Variants in WNT3 observed in about 807,000 individuals in gnomAD.
WNT3 encodes the protein Wnt family member 3, also known as proto-oncogene Wnt-3.
WNT3 carries 7 observed loss-of-function variants against 34.2 expected under a neutral mutation model. That is an observed-to-expected ratio of 0.20 (90% CI 0.12 to 0.38). The LOEUF (loss-of-function observed/expected upper bound fraction) is 0.38, where lower values mean the gene tolerates loss of function less well. WNT3 is among the 10% of genes least tolerant of loss of function. The pLI is 1.00. For missense variants in WNT3, 267 were observed against 499.8 expected, an observed-to-expected ratio of 0.53 and a Z score of 4.44; for synonymous variants, 212 against 211.5, an observed-to-expected ratio of 1.00 and a Z score of -0.02.
chr17:46,793,445 T>A (rs1382893035), intron 1 of WNT3, among the ~76,000 whole-genome samples: 1 of 152,122 alleles, frequency 6.6e-6, no homozygotes, highest in African/African-American at 2.4e-5. Context: ...AATGCTGGGC[T>A]CCCGCCTATC....
intron 1 of WNT3, among the ~76,000 whole-genome samples, chr17:46,787,190 C>T (rs1202204226): frequency 3.3e-5 from 5 of 152,060 alleles, no homozygotes; most frequent in Admixed American, 2.0e-4. Context: ...ATCCTCCCAC[C>T]TCAGCCTCCC....
At chr17:46,767,388 C>T (rs2059322958) in intron 4 of WNT3, among the ~76,000 whole-genome samples, 1 of 152,306 alleles carries the variant, frequency 6.6e-6, no homozygotes, top group East Asian at 1.9e-4. Flanking sequence ...TATGCCGCTT[C>T]CCCCCACCCA....
chr17:46,768,704 A>G lies in WNT3; in HGVS notation c.684T>C (p.Arg228=). Residue 228 remains arginine, a synonymous_variant, in exon 4 of 5, where the codon CGT becomes CGC. Coordinates refer to ENST00000225512, the MANE Select transcript of WNT3 (RefSeq NM_030753.5). This position sits in a 1 kb window ranked among gnomAD's most constrained non-coding sequence, Gnocchi z 5.0. ...TGTCCTTGAGGAAGTCACCGATGGC[A>G]CGGAAGTCAGGCTGCGCCCACCAGC... ...KTCWWAQPDF[R]AIGDFLKDKY... is the part of the protein sequence containing the mutation. 1.2e-6 allele frequency: 2 copies of G among 1,614,100 alleles called. No homozygotes were observed.
At chr17:46,795,777 A>G (rs1306550791) in intron 1 of WNT3, among the ~76,000 whole-genome samples, 2 of 152,266 alleles carry the variant, frequency 1.3e-5, no homozygotes, top group South Asian at 4.1e-4. Context: ...TTGGTCTGTC[A>G]TGAAGGTGCT....
chr17:46,777,301 C>A (rs1170141897), intron 1 of WNT3, among the ~76,000 whole-genome samples: 1 of 152,268 alleles, frequency 6.6e-6, no homozygotes, highest in Non-Finnish European at 1.5e-5. Flanking sequence ...AAAGCCAGGC[C>A]GGCTGGCTTG....
chr17:46,767,423 T>C (rs1358248877), intron 4 of WNT3, among the ~76,000 whole-genome samples: 2 of 152,188 alleles, frequency 1.3e-5, no homozygotes, highest in South Asian at 2.1e-4. Context: ...GTACGATTTA[T>C]GCTTGTGCAG....
In WNT3 at chr17:46,808,903, C is replaced by T. The variant is rs191781605; in HGVS notation, c.80+9615G>A. On this transcript the variant is annotated intron_variant, in intron 1 of 4. Transcript: ENST00000225512. The stretch of plus-strand genomic sequence containing the variant: ...CTGCTCAGGTCGAGGGGCCCATCCA[C>T]CTTGAGAGACCCTCTAAGGACCCTC... Among the ~76,000 whole-genome samples, 3 of 152,246 alleles carry T rather than the reference C, an allele frequency of 2.0e-5. No homozygotes were observed. In the East Asian group the frequency reaches 5.8e-4, roughly 29 times the overall value.
Position 46,768,309 on chromosome 17 carries a change from T to TAC in WNT3, c.*8+1_*8+2dup. On this transcript the variant is annotated splice_region_variant and intron_variant, in intron 4 of 4. Transcript: ENST00000225512. This position sits in a 1 kb window ranked among gnomAD's most constrained non-coding sequence, Gnocchi z 5.0. ...GCCTCCCCCCTGCTTCCCGGAGCCC[T>TAC]ACCTGGTGCCCTACTTGCAGGTGTG... 1 of 1,613,374 alleles carries TAC rather than the reference T, an allele frequency of 6.2e-7. No individual in the cohort carries two copies. Among genetic ancestry groups the TAC allele is most frequent in the South Asian group, 1.1e-5 (1 of 91,080 alleles).
intron 1 of WNT3, among the ~76,000 whole-genome samples, chr17:46,780,524 C>A (rs1208287356): frequency 6.6e-6 from 1 of 152,240 alleles, no homozygotes; most frequent in African/African-American, 2.4e-5. Flanking sequence ...TGCGGTGGCT[C>A]ACGCTTGTAA....
chr17:46,807,660 C>T (rs1472438034), intron 1 of WNT3, among the ~76,000 whole-genome samples: 2 of 152,190 alleles, frequency 1.3e-5, no homozygotes, highest in Non-Finnish European at 2.9e-5. Context: ...AATGTGTATC[C>T]CAAAGACAAG....
At position 46,773,837 on chromosome 17, in the gene WNT3, C is replaced by T. The variant is rs1189603062; in HGVS notation, c.153G>A (p.Leu51=). 1 of 1,613,170 alleles carries T rather than the reference C, an allele frequency of 6.2e-7. No individual in the cohort carries two copies. Among genetic ancestry groups the T allele is most frequent in the Non-Finnish European group, 8.5e-7 (1 of 1,180,020 alleles). ...GGCAGAAGCGCAGTTGCTTGGGGAC[C>T]AGGCCTGGGATGGAGCCGCAGAGCA... is the stretch of plus-strand genomic sequence containing the variant. The part of the protein sequence containing the change: ...QPLLCGSIPG[L]VPKQLRFCRN... Residue 51 remains leucine (L), a synonymous_variant, in exon 2 of 5, where the codon CTG becomes CTA. Coordinates refer to ENST00000225512, the MANE Select transcript of WNT3 (RefSeq NM_030753.5).
At chr17:46,793,571 G>A (rs1007296641) in intron 1 of WNT3, among the ~76,000 whole-genome samples, 6 of 152,170 alleles carry the variant, frequency 3.9e-5, no homozygotes, top group African/African-American at 7.2e-5. Context: ...GGAGACCCCC[G>A]ACCTGAGGGC....
chr17:46,777,311 G>A lies in WNT3; in HGVS notation c.81-3402C>T, dbSNP rs183294677. On this transcript the variant is annotated intron_variant, in intron 1 of 4. Transcript: ENST00000225512. ...CAGAGAAAGCCAGGCCGGCTGGCTT[G>A]GGGGACTGAGGAGTCGGGGGGCCCA... 9.4e-4 allele frequency among the ~76,000 whole-genome samples: 143 copies of A among 152,384 alleles called. 2 individuals carry two copies. In the Middle Eastern group the frequency reaches 0.024, roughly 25 times the overall value.
chr17:46,790,489 CACAG>C (rs2083970657), intron 1 of WNT3, among the ~76,000 whole-genome samples: 1 of 152,114 alleles, frequency 6.6e-6, no homozygotes, highest in Non-Finnish European at 1.5e-5. Flanking sequence ...TGCCCTAGGT[CACAG>C]ACAGGGCTGG....
chr17:46,769,485 C>G (rs1568073558), intron 3 of WNT3, among the ~76,000 whole-genome samples: 1 of 152,164 alleles, frequency 6.6e-6, no homozygotes, highest in Non-Finnish European at 1.5e-5. Flanking sequence ...CTTGACAGCC[C>G]TACACCGCGT....
intron 4 of WNT3, among the ~76,000 whole-genome samples, chr17:46,765,836 A>G (rs1275858726): frequency 6.6e-6 from 1 of 152,242 alleles, no homozygotes; most frequent in Non-Finnish European, 1.5e-5. Flanking sequence ...CCTACACAGA[A>G]CACAGTTCTC....
intron 1 of WNT3, among the ~76,000 whole-genome samples, chr17:46,806,753 C>T (rs193001615): frequency 9.2e-5 from 14 of 152,338 alleles, no homozygotes; most frequent in African/African-American, 2.6e-4. Flanking sequence ...AGGGCAGAAG[C>T]GGAGGGGAGG....
At position 46,763,075 on chromosome 17, in the gene WNT3, G is replaced by A. The variant is rs1315359002; in HGVS notation, c.*1555C>T. 2 of 152,074 alleles carry A rather than the reference G, an allele frequency of 1.3e-5. No homozygotes were observed. Among genetic ancestry groups the A allele is most frequent in the Non-Finnish European group, 2.9e-5 (2 of 68,032 alleles). The allele number at this position is 152,074 out of a possible 1,614,324, so 9.4% of individuals were successfully genotyped here. A position where few individuals can be genotyped will look rare whatever the true frequency, so the allele number is the denominator to read the frequency against. On this transcript the variant is annotated 3_prime_UTR_variant, in exon 5 of 5. Coordinates refer to ENST00000225512, the MANE Select transcript of WNT3 (RefSeq NM_030753.5). ...GGCCAGCAGATTTAGAAGTGAAGGC[G>A]GGCTCCTGGACGACCATCTTGGCAA... is the stretch of plus-strand genomic sequence containing the variant.
chr17:46,808,671 G>A (rs942985905), intron 1 of WNT3, among the ~76,000 whole-genome samples: 1 of 152,168 alleles, frequency 6.6e-6, no homozygotes, highest in Non-Finnish European at 1.5e-5. Flanking sequence ...CCTGTTCCTA[G>A]ATAGAGAAAC....
Sources: gnomAD v4.1 joint callset for allele counts (sites outside exome capture counted in the v4.1 genomes callset) on GRCh38, gnomAD v4.1.1 for gene constraint, Gnocchi (gnomAD v3.1) non-coding constraint, MANE v1.5 for transcripts, NCBI Gene and HGNC (gene_info 2026-07-23, HGNC 2026-07-21) for gene names.